Variants in CNTN5 observed in about 807,000 individuals in gnomAD.
CNTN5 encodes the protein contactin 5.
Under a neutral mutation model 129.1 loss-of-function variants are expected in CNTN5, and 77 were observed. The observed-to-expected ratio is 0.60, with a 90% CI of 0.50 to 0.72. The LOEUF (loss-of-function observed/expected upper bound fraction) is 0.72. Among genes scored for constraint, CNTN5 ranks in the 30% least tolerant of loss-of-function variants. The pLI, the probability that CNTN5 is intolerant of heterozygous loss-of-function variation, is 0.00. For missense variants in CNTN5, 1,478 were observed against 1,328.8 expected, an observed-to-expected ratio of 1.11 and a Z score of -1.75; for synonymous variants, 509 against 465.6, an observed-to-expected ratio of 1.09 and a Z score of -1.20.
chr11:99,190,423 TTTCTGCAAATAATGTTA>T (rs1858578352), intron 1 of CNTN5, among the ~76,000 whole-genome samples: 1 of 151,740 alleles, frequency 6.6e-6, no homozygotes, highest in Admixed American at 6.6e-5. Context: ...TTTTTTTCTA[TTTCTGCAAATAATGTTA>T]TTAGCATTTT....
At chr11:99,367,366 A>C (rs1244152435) in intron 2 of CNTN5, among the ~76,000 whole-genome samples, 2 of 152,180 alleles carry the variant, frequency 1.3e-5, no homozygotes, top group Non-Finnish European at 2.9e-5. Flanking sequence ...AGAAACATTA[A>C]AAGAAACCTC....
intron 18 of CNTN5, among the ~76,000 whole-genome samples, chr11:100,288,518 C>A (rs572142214): frequency 6.6e-6 from 1 of 151,990 alleles, no homozygotes; most frequent in East Asian, 1.9e-4. Flanking sequence ...ACTGGGTACA[C>A]AAAGAAATGA....
At chr11:99,587,033 C>T (rs560338580) in intron 3 of CNTN5, among the ~76,000 whole-genome samples, 9 of 152,194 alleles carry the variant, frequency 5.9e-5, no homozygotes, top group African/African-American at 1.9e-4. Flanking sequence ...GTTAACAATT[C>T]GTAATGTGTG....
intron 7 of CNTN5, among the ~76,000 whole-genome samples, chr11:99,940,253 A>T (rs1265583503): frequency 6.6e-6 from 1 of 152,160 alleles, no homozygotes; most frequent in Non-Finnish European, 1.5e-5. Context: ...TTATGCATTA[A>T]GATGATATTT....
At chr11:99,105,401 C>T (rs1866948832) in intron 1 of CNTN5, among the ~76,000 whole-genome samples, 1 of 152,100 alleles carries the variant, frequency 6.6e-6, no homozygotes, top group African/African-American at 2.4e-5. Context: ...GATAAGTGAG[C>T]TAAACTGTAC....
chr11:99,458,409 G>A (rs1794266869), intron 2 of CNTN5, among the ~76,000 whole-genome samples: 1 of 151,916 alleles, frequency 6.6e-6, no homozygotes, highest in African/African-American at 2.4e-5. Context: ...GCTCACACAT[G>A]AGAATTGCGC....
intron 3 of CNTN5, among the ~76,000 whole-genome samples, chr11:99,652,004 T>C (rs1414216624): frequency 6.6e-6 from 1 of 152,060 alleles, no homozygotes; most frequent in Non-Finnish European, 1.5e-5. Flanking sequence ...ACACCACAAA[T>C]GCATTATCTC....
chr11:99,508,941 A>G (rs1045009340), intron 2 of CNTN5, among the ~76,000 whole-genome samples: 1 of 152,182 alleles, frequency 6.6e-6, no homozygotes, highest in Non-Finnish European at 1.5e-5. Context: ...GCAGCCTCCC[A>G]AAGTGCTGGG....
intron 3 of CNTN5, among the ~76,000 whole-genome samples, chr11:99,578,952 T>A (rs933942895): frequency 2.0e-5 from 3 of 152,182 alleles, no homozygotes; most frequent in Non-Finnish European, 4.4e-5. Context: ...CTAGGGTTTT[T>A]ATGGTTTTAG....
chr11:100,062,650 G>A (rs1943530715), intron 10 of CNTN5, among the ~76,000 whole-genome samples: 1 of 152,130 alleles, frequency 6.6e-6, no homozygotes, highest in African/African-American at 2.4e-5. Context: ...TCTACTCAGA[G>A]GAGTCAGGAA....
intron 6 of CNTN5, among the ~76,000 whole-genome samples, chr11:99,894,434 C>T (rs1258396551): frequency 7.1e-6 from 1 of 141,044 alleles, no homozygotes; most frequent in African/African-American, 2.6e-5. Flanking sequence ...TTTTCACAAG[C>T]TATTTTTGTT....
chr11:99,988,343 G>A (rs1191242057), intron 8 of CNTN5, among the ~76,000 whole-genome samples: 1 of 152,208 alleles, frequency 6.6e-6, no homozygotes, highest in Non-Finnish European at 1.5e-5. Context: ...CCAGGCAGCT[G>A]ATCAACTGTG....
chr11:99,958,672 G>A (rs1170079181), intron 8 of CNTN5, among the ~76,000 whole-genome samples: 3 of 152,248 alleles, frequency 2.0e-5, no homozygotes, highest in African/African-American at 4.8e-5. Flanking sequence ...AAGAAATGCA[G>A]TTTTACAGTT....
In CNTN5 at chr11:99,258,458, A is replaced by G. The variant is rs374417269; in HGVS notation, c.-209-66888A>G. On this transcript the variant is annotated intron_variant, in intron 1 of 24. Transcript: ENST00000524871. Reference sequence around the variant, plus strand: ...TTCTTAAGAGTTTATTATTGGACCTAGTCTTACTTATTGTACCTATGATAA... The same window carrying G: ...TTCTTAAGAGTTTATTATTGGACCTGGTCTTACTTATTGTACCTATGATAA... 1.7e-4 allele frequency among the ~76,000 whole-genome samples: 26 copies of G among 152,202 alleles called. No individual in the cohort carries two copies. The East Asian group carries it at 2.9e-3, about 17-fold the overall frequency.
At chr11:99,982,892 C>G (rs6590475) in intron 8 of CNTN5, among the ~76,000 whole-genome samples, 1 of 151,914 alleles carries the variant, frequency 6.6e-6, no homozygotes, top group African/African-American at 2.4e-5. Flanking sequence ...CCGCCCACCT[C>G]GGCCTCCCAA....
At chr11:99,489,680 GA>G (rs1399333445) in intron 2 of CNTN5, among the ~76,000 whole-genome samples, 2 of 152,162 alleles carry the variant, frequency 1.3e-5, no homozygotes, top group Admixed American at 6.5e-5. Flanking sequence ...TATGAATTGT[GA>G]AGCAAGATAT....
chr11:99,080,639 T>G (rs999792922), intron 1 of CNTN5, among the ~76,000 whole-genome samples: 2 of 152,138 alleles, frequency 1.3e-5, no homozygotes, highest in Admixed American at 6.5e-5. Context: ...TCACAACCAT[T>G]TTTGGACTTG....
intron 1 of CNTN5, among the ~76,000 whole-genome samples, chr11:99,196,245 C>T (rs371122886): frequency 1.3e-5 from 2 of 151,466 alleles, no homozygotes; most frequent in South Asian, 4.2e-4. Context: ...TATATATGAA[C>T]CTTATATTTG....
intron 2 of CNTN5, among the ~76,000 whole-genome samples, chr11:99,499,808 T>C (rs151000626): frequency 5.3e-5 from 8 of 152,334 alleles, no homozygotes; most frequent in African/African-American, 1.9e-4. Context: ...CAGGCCATAT[T>C]GTTTTCTGTT....
Sources: allele counts gnomAD v4.1 joint callset (sites outside exome capture counted in the v4.1 genomes callset), GRCh38; gene constraint gnomAD v4.1.1; transcripts MANE v1.5; gene names NCBI Gene and HGNC (gene_info 2026-07-23, HGNC 2026-07-21).